FGFR3: variants seen among roughly 807,000 people sequenced by gnomAD.
FGFR3 encodes the protein fibroblast growth factor receptor 3.
A neutral mutation model predicts 82.9 loss-of-function variants in FGFR3; 25 were observed. The observed-to-expected ratio is 0.30, with a 90% CI of 0.22 to 0.42. The LOEUF (loss-of-function observed/expected upper bound fraction) is 0.42, where lower values mean the gene tolerates loss of function less well. Ranked by LOEUF, FGFR3 falls within the 10% of genes least tolerant of loss-of-function variation. The pLI is 1.00. For synonymous variants in FGFR3, 620 were observed against 516.0 expected (o/e 1.20, Z -2.73); for missense variants, 1,026 against 1,161.0 (o/e 0.88, Z 1.69).
intron 10 of FGFR3, 23 bp downstream of exon 10, chr4:1,804,992 G>C: frequency 6.5e-7 from 1 of 1,537,736 alleles, no homozygotes; most frequent in Non-Finnish European, 8.8e-7. Context: ...GAGGGCCAGC[G>C]TTGGCTGTAG....
At position 1,805,540 on chromosome 4, in the gene FGFR3, C is replaced by T; in HGVS notation, c.1535-19C>T. ...GGGCGCCGCCGCCGCCTGACACAGG[C>T]CCCCCGCTCCGTGCACAGACGATGC... On this transcript the variant is annotated intron_variant, in intron 11 of 17. Coordinates refer to ENST00000440486, the MANE Select transcript of FGFR3 (RefSeq NM_000142.5). 1.2e-6 allele frequency: 2 copies of T among 1,612,778 alleles called. No individual in the cohort carries two copies. Among genetic ancestry groups the T allele is most frequent in the Non-Finnish European group, 1.7e-6 (2 of 1,179,758 alleles).
chr4:1,796,857 TG>T (rs1277076189), intron 2 of FGFR3, among the ~76,000 whole-genome samples: 1 of 151,992 alleles, frequency 6.6e-6, no homozygotes, highest in Non-Finnish European at 1.5e-5. Flanking sequence ...CCTGGGCCTG[TG>T]GGGTGGGATT....
intron 17 of FGFR3, 59 bp downstream of exon 17, chr4:1,806,993 G>C: frequency 5.1e-6 from 8 of 1,557,904 alleles, no homozygotes; most frequent in Non-Finnish European, 7.0e-6. Context: ...GCCGTCCCCG[G>C]CCATCCTGCC....
rs199740841 is a variant in FGFR3, at chr4:1,799,514, C to T, written c.370C>T (p.Arg124Trp). The change falls in exon 3 of 18, where the codon CGG becomes TGG. Residue 124 changes from arginine to tryptophan, a missense_variant. Arg to Trp is a moderately radical substitution (Grantham distance 101). Around this residue, in one of 9 missense-constraint regions of FGFR3, gnomAD observed 226 missense variants for 222.0 expected, o/e 1.02. Transcript: ENST00000440486. ...GCGCGTACTGTGCCACTTCAGTGTG[C>T]GGGTGACAGGTGAGCTCTGGGGCCA... ...TQRVLCHFSV[R>W]VTDAPSSGDD... 9.0e-6 allele frequency: 14 copies of T among 1,555,510 alleles called. No homozygotes were observed. Among genetic ancestry groups the T allele is most frequent in the South Asian group, 2.3e-5 (2 of 85,202 alleles).
intron 2 of FGFR3, among the ~76,000 whole-genome samples, chr4:1,797,663 C>T (rs985775091): frequency 7.2e-5 from 11 of 152,358 alleles, no homozygotes; most frequent in African/African-American, 2.6e-4. Context: ...TCTGGGTGGT[C>T]CCCACAAGAC....
Position 1,801,519 on chromosome 4 carries a change from CG to C in FGFR3, c.599del (p.Arg200ProfsTer94). ...CGGCAGGGAGTTCCGCGGCGAGCAC[CG>C]CATTGGAGGCATCAAGGTGGGCGCG... ...KNGREFRGEH[R>X]IGGIKLRHQQ... is the part of the protein sequence containing the mutation. On this transcript the variant is annotated frameshift_variant, in exon 5 of 18. Transcript: ENST00000440486. LOFTEE classifies it high-confidence loss of function. The C allele has an allele frequency of 6.4e-7, 1 of 1,570,294 alleles. No homozygotes were observed. Among genetic ancestry groups the C allele is most frequent in the Non-Finnish European group, 8.6e-7 (1 of 1,158,640 alleles).
Position 1,807,400 on chromosome 4 carries a change from CG to C in FGFR3, c.*139del. On this transcript the variant is annotated 3_prime_UTR_variant, in exon 18 of 18. Coordinates refer to ENST00000440486, the MANE Select transcript of FGFR3 (RefSeq NM_000142.5). ...GCTTTGGTCTGTGTGTGTGTGTGTGCGTGTGTGTGTGTGTGTGTGCACATCC... is the reference window on the plus strand; with the variant it reads ...GCTTTGGTCTGTGTGTGTGTGTGTGCTGTGTGTGTGTGTGTGTGCACATCC... The C allele has an allele frequency of 1.1e-6, 1 of 885,920 alleles. No homozygotes were observed. Among genetic ancestry groups the C allele is most frequent in the Non-Finnish European group, 1.7e-6 (1 of 572,660 alleles). 54.9% of individuals were successfully genotyped at this position (885,920 alleles called of 1,614,324 possible).
chr4:1,805,028 G>T, intron 10 of FGFR3, 59 bp downstream of exon 10: 1 of 1,501,184 alleles, frequency 6.7e-7, no homozygotes, highest in South Asian at 1.3e-5. Flanking sequence ...GGGTGAAACA[G>T]CCACCAGTCA....
chr4:1,799,740 C>T lies in FGFR3; in HGVS notation c.380-7C>T, dbSNP rs1720967074. On this transcript the variant is annotated splice_region_variant and splice_polypyrimidine_tract_variant and intron_variant, in intron 3 of 17. Coordinates refer to ENST00000440486, the MANE Select transcript of FGFR3 (RefSeq NM_000142.5). Reference sequence around the variant, plus strand: ...GGGCATTGGTTGCGGCCATCTCTGCCTTGCAGACGCTCCATCCTCGGGAGA... The same window carrying T: ...GGGCATTGGTTGCGGCCATCTCTGCTTTGCAGACGCTCCATCCTCGGGAGA... 2 of 1,612,870 alleles carry T rather than the reference C, an allele frequency of 1.2e-6. No individual in the cohort carries two copies. The highest frequency in any genetic ancestry group is 1.3e-5 in the African/African-American group (1 of 75,056).
intron 2 of FGFR3, among the ~76,000 whole-genome samples, chr4:1,798,363 C>G (rs1032364690): frequency 1.3e-5 from 2 of 152,116 alleles, no homozygotes; most frequent in African/African-American, 4.8e-5. Context: ...CCCCCCGGCC[C>G]CCTTGAGGGC....
In FGFR3 at chr4:1,808,576, T is replaced by C. The variant is rs1009671831; in HGVS notation, c.*1314T>C. 1.0e-4 allele frequency: 24 copies of C among 230,756 alleles called. No individual in the cohort carries two copies. The highest frequency in any genetic ancestry group is 1.1e-4 in the Admixed American group (2 of 17,680). 14.3% of individuals were successfully genotyped at this position (230,756 alleles called of 1,614,324 possible). Reference sequence around the variant, plus strand: ...TATAATTTATTGAGTTTTTACAAGATGTATTTGTTGTAGACTTAACACTTC... The same window carrying C: ...TATAATTTATTGAGTTTTTACAAGACGTATTTGTTGTAGACTTAACACTTC... On this transcript the variant is annotated 3_prime_UTR_variant, in exon 18 of 18. Coordinates refer to ENST00000440486, the MANE Select transcript of FGFR3 (RefSeq NM_000142.5).
intron 2 of FGFR3, among the ~76,000 whole-genome samples, chr4:1,798,563 T>C (rs1349673848): frequency 1.6e-5 from 2 of 127,342 alleles, no homozygotes; most frequent in African/African-American, 6.1e-5. Flanking sequence ...CTCGCGCTGC[T>C]CCGGCCTGTG....
intron 7 of FGFR3, among the ~76,000 whole-genome samples, chr4:1,802,327 G>A (rs1475096503): frequency 6.6e-6 from 1 of 152,198 alleles, no homozygotes; most frequent in African/African-American, 2.4e-5. Flanking sequence ...GGTGCCCCAG[G>A]ACAGGAGGGC....
intron 4 of FGFR3, 67 bp from the exon 5 acceptor site, chr4:1,801,300 G>T (rs776970157): frequency 2.0e-6 from 3 of 1,504,848 alleles, no homozygotes; most frequent in Non-Finnish European, 2.7e-6. Context: ...GCTCTGGGAA[G>T]GGGGTTGTTC....
Position 1,793,867 on chromosome 4 carries a change from G to T in FGFR3, c.-68G>T, listed in dbSNP as rs1057237664. The T allele has an allele frequency of 1.4e-4, 71 of 508,058 alleles. 1 individual carries two copies. The highest frequency in any genetic ancestry group is 1.8e-4 in the Non-Finnish European group (68 of 382,572). The allele number at this position is 508,058 out of a possible 1,614,324, so 31.5% of individuals were successfully genotyped here. A position where few individuals can be genotyped will look rare whatever the true frequency, so the allele number is the denominator to read the frequency against. ...CGGCGCCCGCCTCCCGCCGGTGCCCGCGCCGGGCCGTGGGGGGCAGCATGC... is the reference window on the plus strand; with the variant it reads ...CGGCGCCCGCCTCCCGCCGGTGCCCTCGCCGGGCCGTGGGGGGCAGCATGC... On this transcript the variant is annotated 5_prime_UTR_variant, in exon 2 of 18. Coordinates refer to ENST00000440486, the MANE Select transcript of FGFR3 (RefSeq NM_000142.5).
rs3135885 is a variant in FGFR3 at position 1,803,841 on chromosome 4, C to T, written c.1075+5C>T. On this transcript the variant is annotated splice_donor_5th_base_variant and intron_variant, in intron 8 of 17. Transcript: ENST00000440486. ...CGTGGCTGGTGGTGCTGCCAGGTAC[C>T]GGCTTCTGCTGCTGCTGCTGCTCCG... 8.2e-3 allele frequency: 13,219 copies of T among 1,613,132 alleles called. 163 individuals are homozygous for T. The highest frequency in any genetic ancestry group is 0.039 in the Middle Eastern group (236 of 6,030).
rs1721822893 is a variant in FGFR3, at chr4:1,805,753, C to T, written c.1649C>T (p.Pro550Leu). The change falls in exon 13 of 18, where the codon CCC (proline) becomes CTC (leucine). Residue 550 changes from proline to leucine, a missense_variant. Pro to Leu is a moderately conservative substitution (Grantham distance 98, BLOSUM62 -3). This residue lies in a region of FGFR3 where 164 missense variants were observed against 167.5 expected (regional missense o/e 0.98). Transcript: ENST00000440486. ...NLLGACTQGG[P>L]LYVLVEYAAK... The stretch of plus-strand genomic sequence containing the variant: ...TCTGAGGAGCCCGTGTCCCCAGGGC[C>T]CCTGTACGTGCTGGTGGAGTACGCG... 1 of 1,612,468 alleles carries T rather than the reference C, an allele frequency of 6.2e-7. No individual in the cohort carries two copies. Among genetic ancestry groups the T allele is most frequent in the Non-Finnish European group, 8.5e-7 (1 of 1,179,702 alleles).
intron 7 of FGFR3, 150 bp downstream of exon 7, chr4:1,802,175 C>T (rs960974164): frequency 3.0e-5 from 25 of 844,084 alleles, no homozygotes; most frequent in Admixed American, 4.3e-5. Context: ...GGCCAAGTCT[C>T]AGCCACCCCA....
intron 4 of FGFR3, among the ~76,000 whole-genome samples, chr4:1,800,746 C>G (rs888532920): frequency 6.6e-6 from 1 of 152,164 alleles, no homozygotes; most frequent in Non-Finnish European, 1.5e-5. Flanking sequence ...GCCTGGAGTC[C>G]CGGCAGGAAG....
Sources: allele counts gnomAD v4.1 joint callset (sites outside exome capture counted in the v4.1 genomes callset), GRCh38; gene constraint gnomAD v4.1.1; regional missense constraint gnomAD v4.1.1; transcripts MANE v1.5; gene names NCBI Gene and HGNC (gene_info 2026-07-23, HGNC 2026-07-21).